The following UBTD2 variants were observed in gnomAD, a reference collection of about 807,000 sequenced individuals.
UBTD2 encodes ubiquitin domain-containing protein 2.
Under a neutral mutation model 19.8 loss-of-function variants are expected in UBTD2, and 9 were observed. That is an observed-to-expected ratio of 0.46 (90% CI 0.27 to 0.79). The LOEUF is 0.79. UBTD2 is among the 30% of genes least tolerant of loss of function. The probability of loss-of-function intolerance (pLI) is 0.14; values close to 1 mark genes in which losing one functional copy is unlikely to be tolerated. For missense variants in UBTD2, 250 were observed against 300.4 expected, an observed-to-expected ratio of 0.83 and a Z score of 1.24; for synonymous variants, 98 against 103.9, an observed-to-expected ratio of 0.94 and a Z score of 0.35.
rs950010699 is a variant in UBTD2, at chr5:172,253,653, G to A, written c.71-19295C>T. On this transcript the variant is annotated intron_variant, in intron 1 of 2. Coordinates refer to ENST00000393792, the MANE Select transcript of UBTD2 (RefSeq NM_152277.3). ...ATTTTTAGTACAGATGGGGTTTCAC[G>A]TTTTTGGCCAGGATGGTCTCGATTT... 4.7e-4 allele frequency among the ~76,000 whole-genome samples: 72 copies of A among 151,594 alleles called. 1 individual carries two copies. Among genetic ancestry groups the A allele is most frequent in the Non-Finnish European group, 1.3e-4 (9 of 67,882 alleles).
At chr5:172,271,319 C>A (rs372820158) in intron 1 of UBTD2, among the ~76,000 whole-genome samples, 1 of 151,760 alleles carries the variant, frequency 6.6e-6, no homozygotes, top group Non-Finnish European at 1.5e-5. Context: ...GTCCCAGCTA[C>A]TCAGGAGGCT....
chr5:172,234,315 T>G lies in UBTD2; in HGVS notation c.114A>C (p.Lys38Asn). The change falls in exon 2 of 3, where the codon AAA becomes AAC. Residue 38 changes from lysine to asparagine, a missense_variant. Transcript: ENST00000393792. ...CTGTCATAGGATAATCGCTTTTCCA[T>G]TTTGGTTTCTCCTTTTTCAAAGGCT... is the stretch of plus-strand genomic sequence containing the variant. ...RNQPLKKEKP[K>N]WKSDYPMTDG... 6.2e-7 allele frequency: 1 copy of G among 1,614,216 alleles called. No individual in the cohort carries two copies. The highest frequency in any genetic ancestry group is 1.1e-5 in the South Asian group (1 of 91,086).
chr5:172,278,786 T>A (rs1332067249), intron 1 of UBTD2, among the ~76,000 whole-genome samples: 1 of 152,180 alleles, frequency 6.6e-6, no homozygotes, highest in Non-Finnish European at 1.5e-5. Context: ...TTTTATTTAT[T>A]TATTTTGAGA....
chr5:172,251,819 A>T (rs933021834), intron 1 of UBTD2, among the ~76,000 whole-genome samples: 2 of 152,252 alleles, frequency 1.3e-5, no homozygotes, highest in Non-Finnish European at 2.9e-5. Context: ...AAAACATCTC[A>T]AAGTATAAAA....
At chr5:172,251,916 T>A (rs1755032696) in intron 1 of UBTD2, among the ~76,000 whole-genome samples, 1 of 152,112 alleles carries the variant, frequency 6.6e-6, no homozygotes, top group Non-Finnish European at 1.5e-5. Flanking sequence ...ATTACCTGGG[T>A]AGGATGGAAA....
chr5:172,236,906 CA>C (rs1772021440), intron 1 of UBTD2, among the ~76,000 whole-genome samples: 1 of 152,058 alleles, frequency 6.6e-6, no homozygotes, highest in South Asian at 2.1e-4. Context: ...AACAGAAAAA[CA>C]ATCATAATAA....
At chr5:172,254,551 G>A (rs1755100017) in intron 1 of UBTD2, 3 of 615,986 alleles carry the variant, frequency 4.9e-6, no homozygotes, top group South Asian at 3.7e-5. Flanking sequence ...CATTTGTAGG[G>A]TTTTTCTGTG....
At chr5:172,239,731 C>T (rs1476272748) in intron 1 of UBTD2, among the ~76,000 whole-genome samples, 1 of 151,994 alleles carries the variant, frequency 6.6e-6, no homozygotes, top group African/African-American at 2.4e-5. Context: ...TGGTGAAACC[C>T]CATCTCTACC....
At chr5:172,271,240 C>T (rs1015144798) in intron 1 of UBTD2, among the ~76,000 whole-genome samples, 7 of 152,044 alleles carry the variant, frequency 4.6e-5, no homozygotes, top group African/African-American at 1.7e-4. Flanking sequence ...ACCATCCTGG[C>T]TAACACAGTG....
intron 1 of UBTD2, chr5:172,254,969 A>C (rs901251889): frequency 1.8e-6 from 1 of 563,902 alleles, no homozygotes; most frequent in Non-Finnish European, 3.5e-6. Context: ...ACTCATGTAC[A>C]TAAAGGGGAT....
intron 1 of UBTD2, among the ~76,000 whole-genome samples, chr5:172,273,623 T>A (rs1755546680): frequency 7.2e-6 from 1 of 138,980 alleles, no homozygotes. Context: ...AAAAAAAGGC[T>A]TTCCAACATA....
chr5:172,234,897 C>A (rs1771976836), intron 1 of UBTD2, among the ~76,000 whole-genome samples: 1 of 70,132 alleles, frequency 1.4e-5, no homozygotes, highest in Non-Finnish European at 2.9e-5. Flanking sequence ...GAGAGTGAAA[C>A]CTCATCTCAA....
intron 2 of UBTD2, among the ~76,000 whole-genome samples, chr5:172,232,279 A>G (rs1201529820): frequency 6.6e-6 from 1 of 151,076 alleles, no homozygotes; most frequent in East Asian, 2.0e-4. Flanking sequence ...TCTCAAAAAA[A>G]TAAAATAAGT....
chr5:172,213,280 C>T (rs770121067), intron 2 of UBTD2, among the ~76,000 whole-genome samples: 8 of 152,178 alleles, frequency 5.3e-5, no homozygotes, highest in Non-Finnish European at 1.0e-4. Context: ...CATGAGCCAC[C>T]ATGCCCAGCC....
chr5:172,255,836 CCCA>C (rs1755136098), intron 1 of UBTD2, among the ~76,000 whole-genome samples: 1 of 152,198 alleles, frequency 6.6e-6, no homozygotes, highest in African/African-American at 2.4e-5. Flanking sequence ...CGCCTGCAAT[CCCA>C]CCACTTTGGG....
chr5:172,248,947 G>A (rs10050558), intron 1 of UBTD2, among the ~76,000 whole-genome samples: 48,899 of 137,056 alleles, frequency 0.36, 7,987 homozygotes, highest in South Asian at 0.47. Context: ...TGGGGGGGAA[G>A]AAAATTAGAG....
At chr5:172,225,460 G>A (rs1279185169) in intron 2 of UBTD2, among the ~76,000 whole-genome samples, 1 of 152,008 alleles carries the variant, frequency 6.6e-6, no homozygotes, top group East Asian at 1.9e-4. Flanking sequence ...GCTTTATACT[G>A]TTTTTCAAGC....
At chr5:172,222,782 A>G (rs908974479) in intron 2 of UBTD2, among the ~76,000 whole-genome samples, 1 of 152,246 alleles carries the variant, frequency 6.6e-6, no homozygotes, top group Admixed American at 6.5e-5. Flanking sequence ...AAAATTAATA[A>G]ATAGGCAGTA....
At chr5:172,225,760 A>G (rs1225875469) in intron 2 of UBTD2, among the ~76,000 whole-genome samples, 3 of 152,184 alleles carry the variant, frequency 2.0e-5, no homozygotes, top group Non-Finnish European at 2.9e-5. Flanking sequence ...GACAAACTTA[A>G]TATTTAGATC....
Sources: allele counts gnomAD v4.1 joint callset (sites outside exome capture counted in the v4.1 genomes callset), GRCh38; gene constraint gnomAD v4.1.1; transcripts MANE v1.5; gene names NCBI Gene and HGNC (gene_info 2026-07-23, HGNC 2026-07-21).